The following PTPRT variants were observed in gnomAD, a reference collection of about 807,000 sequenced individuals.
PTPRT encodes protein tyrosine phosphatase receptor type T.
PTPRT carries 56 observed loss-of-function variants against 176.8 expected under a neutral mutation model. The observed-to-expected ratio is 0.32, with a 90% confidence interval of 0.26 to 0.40. PTPRT has a LOEUF of 0.40. PTPRT is among the 10% of genes least tolerant of loss of function. The pLI is 1.00. For synonymous variants in PTPRT, 783 were observed against 739.0 expected, an observed-to-expected ratio of 1.06 and a Z score of -0.96; for missense variants, 1,540 against 1,908.2, an observed-to-expected ratio of 0.81 and a Z score of 3.60.
chr20:43,137,787 T>C (rs1260167261), intron 1 of PTPRT, among the ~76,000 whole-genome samples: 1 of 151,590 alleles, frequency 6.6e-6, no homozygotes, highest in African/African-American at 2.4e-5. Flanking sequence ...CACACGCGCG[T>C]ACACACACAC....
At chr20:43,119,103 A>C (rs1337872721) in intron 1 of PTPRT, among the ~76,000 whole-genome samples, 1 of 152,224 alleles carries the variant, frequency 6.6e-6, no homozygotes, top group Non-Finnish European at 1.5e-5. Flanking sequence ...TAATGTTCAT[A>C]AGAATATGTA....
intron 2 of PTPRT, among the ~76,000 whole-genome samples, chr20:42,802,891 T>G (rs761242899): frequency 9.2e-5 from 14 of 152,070 alleles, no homozygotes; most frequent in Non-Finnish European, 1.8e-4. Flanking sequence ...ATCTGAAAAA[T>G]GGAGGTGATG....
intron 2 of PTPRT, among the ~76,000 whole-genome samples, chr20:42,803,336 C>G (rs1481556333): frequency 6.6e-6 from 1 of 152,234 alleles, no homozygotes; most frequent in Non-Finnish European, 1.5e-5. Context: ...CTGGGTCCCC[C>G]AGGGGATGCT....
At chr20:42,704,789 A>T (rs2076026521) in intron 6 of PTPRT, among the ~76,000 whole-genome samples, 1 of 152,350 alleles carries the variant, frequency 6.6e-6, no homozygotes, top group African/African-American at 2.4e-5. Flanking sequence ...AGGGTCATGT[A>T]GGGGCTGATA....
intron 8 of PTPRT, among the ~76,000 whole-genome samples, chr20:42,453,649 T>C (rs1016302999): frequency 6.8e-6 from 1 of 147,210 alleles, no homozygotes; most frequent in Non-Finnish European, 1.5e-5. Flanking sequence ...ACTATCCTGA[T>C]TTTCCTTTTT....
intron 9 of PTPRT, among the ~76,000 whole-genome samples, chr20:42,391,141 C>A (rs1428045770): frequency 1.3e-5 from 2 of 152,092 alleles, no homozygotes; most frequent in Non-Finnish European, 2.9e-5. Context: ...AGGAGCGTGG[C>A]TAGGAACTCT....
intron 9 of PTPRT, among the ~76,000 whole-genome samples, chr20:42,398,145 CA>C (rs965033537): frequency 6.7e-6 from 1 of 150,174 alleles, no homozygotes; most frequent in South Asian, 2.1e-4. Flanking sequence ...GTCTGTTCCA[CA>C]AAAAAAATTG....
chr20:43,018,231 G>A (rs1227552660), intron 1 of PTPRT, among the ~76,000 whole-genome samples: 2 of 152,160 alleles, frequency 1.3e-5, no homozygotes, highest in African/African-American at 4.8e-5. Flanking sequence ...CACAAACCCA[G>A]AGGAATAAGA....
At chr20:43,061,114 G>GGAT (rs1369718056) in intron 1 of PTPRT, among the ~76,000 whole-genome samples, 1 of 151,938 alleles carries the variant, frequency 6.6e-6, no homozygotes, top group African/African-American at 2.4e-5. Flanking sequence ...ATGGATGGAT[G>GGAT]GATGGATGGT....
intron 7 of PTPRT, among the ~76,000 whole-genome samples, chr20:42,624,461 T>C (rs1403125578): frequency 1.3e-5 from 2 of 152,220 alleles, no homozygotes; most frequent in African/African-American, 2.4e-5. Flanking sequence ...AATGCATTTA[T>C]TGAGGTGCTC....
At chr20:42,801,147 A>C (rs1251997087) in intron 2 of PTPRT, among the ~76,000 whole-genome samples, 2 of 152,214 alleles carry the variant, frequency 1.3e-5, no homozygotes, top group African/African-American at 4.8e-5. Flanking sequence ...CCCTGGGGAT[A>C]CTAGGAGTGA....
chr20:42,549,826 A>G (rs548178854), intron 7 of PTPRT, among the ~76,000 whole-genome samples: 9 of 152,118 alleles, frequency 5.9e-5, no homozygotes, highest in East Asian at 3.9e-4. Context: ...GGGCATCTCA[A>G]CACTACTGTG....
At chr20:42,822,396 T>C (rs374953095) in intron 2 of PTPRT, among the ~76,000 whole-genome samples, 1 of 152,090 alleles carries the variant, frequency 6.6e-6, no homozygotes. Context: ...ATAGAAAAAT[T>C]ATCTCAAGAT....
At chr20:42,569,077 AAAAAATATATATATATATATAT>A (rs2073102393) in intron 7 of PTPRT, among the ~76,000 whole-genome samples, 1 of 61,102 alleles carries the variant, frequency 1.6e-5, no homozygotes, top group African/African-American at 7.8e-5. Flanking sequence ...AAAAAAAAAA[AAAAAATATATATATATATATAT>A]ATATATATAT....
At chr20:42,675,837 A>C (rs924446711) in intron 7 of PTPRT, among the ~76,000 whole-genome samples, 4 of 152,232 alleles carry the variant, frequency 2.6e-5, no homozygotes, top group Non-Finnish European at 5.9e-5. Flanking sequence ...GCAGTTGAGG[A>C]ACCAGGAAGT....
At chr20:42,465,243 C>G (rs1193771165) in intron 8 of PTPRT, among the ~76,000 whole-genome samples, 1 of 152,070 alleles carries the variant, frequency 6.6e-6, no homozygotes, top group Non-Finnish European at 1.5e-5. Flanking sequence ...TGGAAGAGTA[C>G]CTCTCAACAG....
At chr20:42,404,972 T>TTTTATA (rs960312629) in intron 9 of PTPRT, among the ~76,000 whole-genome samples, 4 of 77,956 alleles carry the variant, frequency 5.1e-5, no homozygotes, top group African/African-American at 9.4e-5. Context: ...GGCCAATTAA[T>TTTTATA]TATATATATA....
intron 15 of PTPRT, among the ~76,000 whole-genome samples, chr20:42,217,681 G>A (rs995774753): frequency 6.6e-6 from 1 of 152,130 alleles, no homozygotes; most frequent in Admixed American, 6.5e-5. Context: ...CTAGTGCACT[G>A]CGGGATGCTT....
At chr20:42,726,849 T>A (rs1019300719) in intron 6 of PTPRT, among the ~76,000 whole-genome samples, 5 of 152,154 alleles carry the variant, frequency 3.3e-5, no homozygotes, top group African/African-American at 1.2e-4. Flanking sequence ...CTGTTACTAA[T>A]GGGATTTTTG....
Sources: allele counts gnomAD v4.1 joint callset (sites outside exome capture counted in the v4.1 genomes callset), GRCh38; gene constraint gnomAD v4.1.1; transcripts MANE v1.5; gene names NCBI Gene and HGNC (gene_info 2026-07-23, HGNC 2026-07-21).